Variants in KIF21B observed in about 807,000 individuals in gnomAD.
KIF21B encodes kinesin-like protein KIF21B.
Under a neutral mutation model 192.9 loss-of-function variants are expected in KIF21B, and 85 were observed. The observed-to-expected ratio is 0.44, with a 90% CI of 0.37 to 0.53. The LOEUF is 0.53. Ranked by LOEUF, KIF21B falls within the 20% of genes least tolerant of loss-of-function variation. The pLI is 0.00. For synonymous variants in KIF21B, 832 were observed against 884.6 expected (o/e 0.94, Z 1.05); for missense variants, 1,716 against 2,194.8 (o/e 0.78, Z 4.36).
chr1:201,002,105 G>A, intron 9 of KIF21B, 56 bp downstream of exon 9: 2 of 1,498,664 alleles, frequency 1.3e-6, no homozygotes, highest in Non-Finnish European at 1.8e-6. Context: ...TGGATGTCGG[G>A]GGAGGGAGTC....
At chr1:200,996,421 G>A (rs772691661) in intron 14 of KIF21B, 26 bp from the exon 15 acceptor site, 27 of 1,605,232 alleles carry the variant, frequency 1.7e-5, no homozygotes, top group African/African-American at 2.7e-5. Context: ...CGCAGCTGTC[G>A]GTGCTGGGTC....
Position 200,975,643 on chromosome 1 carries a change from C to G in KIF21B, c.4470G>C (p.Thr1490=). ...AGTTGTGAGTGGGGCCGATGGTGCC[C>G]GTCACACACTCGCCCAGCTCGAACA... ...VKMFELGECV[T]GTIGPTHNFE... is the part of the protein sequence containing the mutation. The change falls in exon 33 of 35, where the codon ACG becomes ACC. Residue 1490 remains threonine, a synonymous_variant. Transcript: ENST00000461742. The surrounding 1 kb of genome is among the most constrained non-coding windows in gnomAD (Gnocchi z 4.3). 1 of 1,613,038 alleles carries G rather than the reference C, an allele frequency of 6.2e-7. No individual in the cohort carries two copies. Among genetic ancestry groups the G allele is most frequent in the Non-Finnish European group, 8.5e-7 (1 of 1,179,306 alleles).
intron 27 of KIF21B, among the ~76,000 whole-genome samples, chr1:200,984,232 T>G (rs16847468): frequency 0.026 from 3,997 of 152,314 alleles, 161 homozygotes; most frequent in African/African-American, 0.086. Flanking sequence ...TGAGCCTCAT[T>G]TCCTCTTATG....
chr1:200,993,282 AG>A (rs1003714683), intron 15 of KIF21B, among the ~76,000 whole-genome samples: 1 of 152,234 alleles, frequency 6.6e-6, no homozygotes, highest in Non-Finnish European at 1.5e-5. Context: ...TCCAAGTGAC[AG>A]GGGCATAAGG....
rs772336179 is a variant in KIF21B, at chr1:201,008,811, G to A, written c.405C>T (p.Gly135=). The stretch of plus-strand genomic sequence containing the variant: ...TGACTTTGAACTCAGGTCCAGCCAC[G>A]CCCTGCTCCTGTGCCCGGCGCTTGC... ...AERKRRAQEQ[G]VAGPEFKVSA... is the part of the protein sequence containing the mutation. The change falls in exon 3 of 35, where the codon GGC becomes GGT. Residue 135 remains glycine (G), a synonymous_variant. Coordinates refer to ENST00000461742, the MANE Select transcript of KIF21B (RefSeq NM_001252102.2). 21 of 1,605,474 alleles carry A rather than the reference G, an allele frequency of 1.3e-5. No homozygotes were observed. Among genetic ancestry groups the A allele is most frequent in the Middle Eastern group, 1.6e-4 (1 of 6,078 alleles).
intron 34 of KIF21B, chr1:200,973,947 C>T: frequency 1.3e-6 from 2 of 1,533,074 alleles, no homozygotes; most frequent in Non-Finnish European, 1.8e-6. Context: ...GGGCACCTCT[C>T]TAGGCCAGGC....
chr1:200,976,014 A>T (rs2102372007), intron 32 of KIF21B, among the ~76,000 whole-genome samples: 1 of 152,030 alleles, frequency 6.6e-6, no homozygotes, highest in South Asian at 2.1e-4. Flanking sequence ...TTAGGGTGTG[A>T]GCCTCCCTCT....
At chr1:201,005,219 G>C (rs921489213) in intron 5 of KIF21B, 89 bp downstream of exon 5, 5 of 1,468,944 alleles carry the variant, frequency 3.4e-6, no homozygotes, top group Non-Finnish European at 4.5e-6. Flanking sequence ...AATCTGGTTT[G>C]CTATTTCTGA....
At chr1:201,015,077 G>A (rs774107016) in intron 1 of KIF21B, among the ~76,000 whole-genome samples, 2 of 152,218 alleles carry the variant, frequency 1.3e-5, no homozygotes, top group Non-Finnish European at 2.9e-5. Flanking sequence ...ATATCATTTA[G>A]TTCTAAGGTG....
At chr1:201,011,075 C>T (rs1167986099) in intron 1 of KIF21B, among the ~76,000 whole-genome samples, 1 of 152,226 alleles carries the variant, frequency 6.6e-6, no homozygotes, top group Non-Finnish European at 1.5e-5. Flanking sequence ...CCACATTTAT[C>T]CAGCTGTCTC....
At chr1:200,995,841 G>A (rs907717625) in intron 15 of KIF21B, among the ~76,000 whole-genome samples, 3 of 152,162 alleles carry the variant, frequency 2.0e-5, no homozygotes, top group Non-Finnish European at 4.4e-5. Flanking sequence ...TGCACCAAAT[G>A]AGAGGCCTCA....
At chr1:200,974,187 G>A (rs764362831) in intron 34 of KIF21B, 20 of 1,554,496 alleles carry the variant, frequency 1.3e-5, no homozygotes, top group Admixed American at 1.9e-5. Context: ...AACTTTACCC[G>A]GCAGTCACTG....
intron 31 of KIF21B, 60 bp downstream of exon 31, chr1:200,977,152 G>T: frequency 6.4e-7 from 1 of 1,556,858 alleles, no homozygotes; most frequent in South Asian, 1.2e-5. Context: ...CCTGAACCAA[G>T]ACCTGGGGAC....
Position 200,998,692 on chromosome 1 carries a change from C to A in KIF21B, c.1886-117G>T. ...TTGGTCAGCCATGACCAATCAGTGACCAGAGACTGGGCAAAATGATAAATC... is the reference window on the plus strand; with the variant it reads ...TTGGTCAGCCATGACCAATCAGTGAACAGAGACTGGGCAAAATGATAAATC... On this transcript the variant is annotated intron_variant, in intron 13 of 34. Transcript: ENST00000461742. This position sits in a 1 kb window ranked among gnomAD's most constrained non-coding sequence, Gnocchi z 4.3. 1 of 830,784 alleles carries A rather than the reference C, an allele frequency of 1.2e-6. No homozygotes were observed. Among genetic ancestry groups the A allele is most frequent in the Non-Finnish European group, 1.9e-6 (1 of 527,420 alleles). 51.5% of individuals were successfully genotyped at this position (830,784 alleles called of 1,614,324 possible). A position where few individuals can be genotyped will look rare whatever the true frequency, so the allele number is the denominator to read the frequency against.
rs749794299 is a variant in KIF21B at position 201,003,754 on chromosome 1, G to A, written c.1044C>T (p.Ser348=). 5.0e-6 allele frequency: 8 copies of A among 1,614,038 alleles called. No individual in the cohort carries two copies. In the African/African-American group the frequency reaches 8.0e-5, roughly 16 times the overall value. Residue 348 remains serine (S), a synonymous_variant, in exon 8 of 35, where the codon AGC becomes AGT. Coordinates refer to ENST00000461742, the MANE Select transcript of KIF21B (RefSeq NM_001252102.2). ...NSQTIMIACV[S]PSDRDFMETL... is the part of the protein sequence containing the mutation. Reference sequence around the variant, plus strand: ...TCTCCATGAAATCTCGGTCTGAGGGGCTCACACAGGCGATCATGATGGTCT... The same window carrying A: ...TCTCCATGAAATCTCGGTCTGAGGGACTCACACAGGCGATCATGATGGTCT...
chr1:201,005,059 G>A (rs938647390), intron 5 of KIF21B, 126 bp from the exon 6 acceptor site: 2 of 1,130,568 alleles, frequency 1.8e-6, no homozygotes, highest in African/African-American at 1.6e-5. Flanking sequence ...CACATGCAGA[G>A]CATCTGACAA....
rs74646782 is a variant in KIF21B, at chr1:200,990,327, C to T, written c.2841G>A (p.Arg947=). 298 of 1,608,374 alleles carry T rather than the reference C, an allele frequency of 1.9e-4. No homozygotes were observed. The African/African-American group carries it at 3.5e-3, about 19-fold the overall frequency. ...CCTCCTGCAGGAGGAACAGCTCCTC[C>T]CTTTTCTGGGGTCAGAGGGGAGGGT... ...EADMERLIKK[R]EELFLLQEAL... Residue 947 remains arginine (R), a synonymous_variant, in exon 20 of 35, where the codon AGG becomes AGA. Transcript: ENST00000461742. The surrounding 1 kb of genome is among the most constrained non-coding windows in gnomAD (Gnocchi z 5.4).
At chr1:200,989,211 C>T (rs1656513727) in intron 21 of KIF21B, among the ~76,000 whole-genome samples, 1 of 152,194 alleles carries the variant, frequency 6.6e-6, no homozygotes, top group Non-Finnish European at 1.5e-5. Context: ...CCAGAAGAAA[C>T]CAGCCCTGCC....
At chr1:200,988,420 C>A (rs1656443315) in intron 23 of KIF21B, 67 bp from the exon 24 acceptor site, 2 of 1,610,242 alleles carry the variant, frequency 1.2e-6, no homozygotes, top group African/African-American at 1.3e-5. Context: ...GCCCTGGGAC[C>A]TATGGCAACT....
Sources: gnomAD v4.1 joint callset for allele counts (sites outside exome capture counted in the v4.1 genomes callset) on GRCh38, gnomAD v4.1.1 for gene constraint, Gnocchi (gnomAD v3.1) non-coding constraint, MANE v1.5 for transcripts, NCBI Gene and HGNC (gene_info 2026-07-23, HGNC 2026-07-21) for gene names.